MBNL2: variants seen among roughly 807,000 people sequenced by gnomAD.
MBNL2 encodes muscleblind-like protein 2.
A neutral mutation model predicts 41.9 loss-of-function variants in MBNL2; 17 were observed. The ratio of observed to expected loss-of-function variants is 0.41; its 90% confidence interval spans 0.28 to 0.61. The LOEUF is 0.61. Ranked by LOEUF, MBNL2 falls within the 20% of genes least tolerant of loss-of-function variation. The probability of loss-of-function intolerance (pLI) is 0.35; values close to 1 mark genes in which losing one functional copy is unlikely to be tolerated. For synonymous variants in MBNL2, 195 were observed against 182.9 expected (o/e 1.07, Z -0.53); for missense variants, 336 against 505.6 (o/e 0.66, Z 3.22).
chr13:97,303,066 T>C (rs2057786573), intron 2 of MBNL2, among the ~76,000 whole-genome samples: 1 of 152,272 alleles, frequency 6.6e-6, no homozygotes, highest in South Asian at 2.1e-4. Context: ...ATTTTGTACC[T>C]CTCTGCACTC....
At chr13:97,186,569 ATTGG>A in the MBNL2 span, among the ~76,000 whole-genome samples, 1 of 152,208 alleles carries the variant, frequency 6.6e-6, no homozygotes, top group Non-Finnish European at 1.5e-5. Flanking sequence ...TAATATTAAA[ATTGG>A]TTGATCAATT....
At chr13:97,365,464 C>T (rs74792036) in intron 8 of MBNL2, among the ~76,000 whole-genome samples, 3,034 of 152,144 alleles carry the variant, frequency 0.02, 94 homozygotes, top group African/African-American at 0.062. Flanking sequence ...TATGGTATAG[C>T]GTAAGGAACA....
At position 97,346,725 on chromosome 13, in the gene MBNL2, C is replaced by A; in HGVS notation, c.541-79C>A. The stretch of plus-strand genomic sequence containing the variant: ...CATTGAAAGCGAGGCAGCCTCCGCT[C>A]CTCCCGCGGTGGCCGGGGCCGCAGG... On this transcript the variant is annotated intron_variant, in intron 4 of 8. Transcript: ENST00000679496. This position sits in a 1 kb window ranked among gnomAD's most constrained non-coding sequence, Gnocchi z 4.2. The A allele has an allele frequency of 8.1e-7, 1 of 1,227,158 alleles. No individual in the cohort carries two copies. Among genetic ancestry groups the A allele is most frequent in the Non-Finnish European group, 1.2e-6 (1 of 862,842 alleles). The allele number at this position is 1,227,158 out of a possible 1,614,324, so 76.0% of individuals were successfully genotyped here.
At chr13:97,254,139 G>A (rs576540629) in intron 1 of MBNL2, among the ~76,000 whole-genome samples, 15 of 151,940 alleles carry the variant, frequency 9.9e-5, no homozygotes, top group Non-Finnish European at 1.8e-4. Flanking sequence ...TGCCTCCCTC[G>A]GCCTTCCAAA....
intron 8 of MBNL2, among the ~76,000 whole-genome samples, chr13:97,390,154 TTC>T (rs1229163380): frequency 6.6e-6 from 1 of 152,312 alleles, no homozygotes; most frequent in East Asian, 1.9e-4. Context: ...TGTAAATTAG[TTC>T]TTTCTCTATT....
chr13:97,282,179 C>T (rs577674854), intron 2 of MBNL2, among the ~76,000 whole-genome samples: 15 of 151,966 alleles, frequency 9.9e-5, no homozygotes, highest in Admixed American at 2.0e-4. Context: ...ATAGTGAGAC[C>T]CCATCTCTAC....
At chr13:97,244,094 G>A (rs1294600094) in intron 1 of MBNL2, among the ~76,000 whole-genome samples, 3 of 152,092 alleles carry the variant, frequency 2.0e-5, no homozygotes, top group African/African-American at 4.8e-5. Context: ...ATGTAACAAC[G>A]AATAATGGTG....
In MBNL2 at chr13:97,287,921, T is replaced by TTGTTTTG. The variant is rs1354801507; in HGVS notation, c.174+11513_174+11514insGTTTTGT. Among the ~76,000 whole-genome samples the TTGTTTTG allele has an allele frequency of 1.5e-3, 179 of 119,168 alleles. 1 individual carries two copies. Among genetic ancestry groups the TTGTTTTG allele is most frequent in the African/African-American group, 5.4e-3 (172 of 32,042 alleles). The allele number at this position is 119,168 out of a possible 152,430, so 78.2% of individuals were successfully genotyped here. A position where few individuals can be genotyped will look rare whatever the true frequency, so the allele number is the denominator to read the frequency against. ...CACCAGGCCCGGCTAATTTTCTGTT[T>TTGTTTTG]TTTTTTTGTTTTGTTTTGTTTTTTT... On this transcript the variant is annotated intron_variant, in intron 2 of 8. Transcript: ENST00000679496.
At chr13:97,142,584 A>G in the MBNL2 span, among the ~76,000 whole-genome samples, 1 of 152,216 alleles carries the variant, frequency 6.6e-6, no homozygotes, top group Non-Finnish European at 1.5e-5. Flanking sequence ...TCCTCGAAGG[A>G]GGCTTGGAAG....
chr13:97,185,114 C>G, the MBNL2 span, among the ~76,000 whole-genome samples: 1,002 of 152,174 alleles, frequency 6.6e-3, 10 homozygotes, highest in African/African-American at 0.023. Context: ...ACAGAGTGTT[C>G]ATACCTTAAG....
At chr13:97,255,935 A>G (rs993785563) in intron 1 of MBNL2, among the ~76,000 whole-genome samples, 1 of 152,232 alleles carries the variant, frequency 6.6e-6, no homozygotes. Context: ...AGGAATGGAT[A>G]TGGTTTGAAC....
At chr13:97,287,956 T>TTGG (rs2054987878) in intron 2 of MBNL2, among the ~76,000 whole-genome samples, 1 of 134,378 alleles carries the variant, frequency 7.4e-6, no homozygotes, top group Non-Finnish European at 1.6e-5. Flanking sequence ...TTTTTTTTAG[T>TTGG]AGAGATGGGG....
intron 8 of MBNL2, among the ~76,000 whole-genome samples, chr13:97,378,157 T>C (rs2065124220): frequency 6.6e-6 from 1 of 152,244 alleles, no homozygotes; most frequent in African/African-American, 2.4e-5. Context: ...ATAATATTAC[T>C]TAATTGAAAC....
At chr13:97,316,232 T>C (rs1345685883) in intron 2 of MBNL2, among the ~76,000 whole-genome samples, 1 of 152,198 alleles carries the variant, frequency 6.6e-6, no homozygotes, top group Non-Finnish European at 1.5e-5. Context: ...ACATTCAGTG[T>C]GTCAGGAAAT....
the MBNL2 span, among the ~76,000 whole-genome samples, chr13:97,214,264 C>G: frequency 6.6e-6 from 1 of 152,164 alleles, no homozygotes; most frequent in African/African-American, 2.4e-5. Flanking sequence ...TCGACTCTTT[C>G]CTGGTTTTTT....
chr13:97,201,346 C>T, the MBNL2 span, among the ~76,000 whole-genome samples: 1 of 152,108 alleles, frequency 6.6e-6, no homozygotes, highest in African/African-American at 2.4e-5. Flanking sequence ...AATGTTGCAC[C>T]TCACATGCTT....
intron 2 of MBNL2, among the ~76,000 whole-genome samples, chr13:97,329,826 A>AACACAC (rs60899519): frequency 0.011 from 1,614 of 149,612 alleles, 33 homozygotes; most frequent in African/African-American, 0.035. Flanking sequence ...ATACACATGC[A>AACACAC]ACACACACAC....
chr13:97,391,712 C>A lies in MBNL2; in HGVS notation c.*263C>A. ...TCCAGCCAGTTTACTCATTTCGATT[C>A]AGAATATTTCAAATTTAGCAATAAA... is the stretch of plus-strand genomic sequence containing the variant. On this transcript the variant is annotated 3_prime_UTR_variant, in exon 9 of 9. Transcript: ENST00000679496. 1 of 327,950 alleles carries A rather than the reference C, an allele frequency of 3.0e-6. No homozygotes were observed. Among genetic ancestry groups the A allele is most frequent in the South Asian group, 6.7e-5 (1 of 14,856 alleles). 20.3% of individuals were successfully genotyped at this position (327,950 alleles called of 1,614,324 possible). A position where few individuals can be genotyped will look rare whatever the true frequency, so the allele number is the denominator to read the frequency against.
chr13:97,206,192 G>A, the MBNL2 span, among the ~76,000 whole-genome samples: 38 of 152,098 alleles, frequency 2.5e-4, no homozygotes, highest in African/African-American at 8.7e-4. Flanking sequence ...TTACTCCCCT[G>A]TCTGAATCGT....
Sources: allele counts gnomAD v4.1 joint callset (sites outside exome capture counted in the v4.1 genomes callset), GRCh38; gene constraint gnomAD v4.1.1; non-coding constraint Gnocchi (gnomAD v3.1); transcripts MANE v1.5; gene names NCBI Gene and HGNC (gene_info 2026-07-23, HGNC 2026-07-21).